Variants in ATP10B observed in about 807,000 individuals in gnomAD.
ATP10B encodes ATPase phospholipid transporting 10B (putative), also known as phospholipid-transporting ATPase VB.
Under a neutral mutation model 141.2 loss-of-function variants are expected in ATP10B, and 122 were observed. The observed-to-expected ratio is 0.86, with a 90% CI of 0.75 to 1.00. ATP10B has a LOEUF of 1.00. Ranked by LOEUF, ATP10B falls within the 50% of genes least tolerant of loss-of-function variation. The pLI is 0.00. For synonymous variants in ATP10B, 685 were observed against 692.0 expected, an observed-to-expected ratio of 0.99 and a Z score of 0.16; for missense variants, 1,876 against 1,825.3, an observed-to-expected ratio of 1.03 and a Z score of -0.51.
In ATP10B at chr5:160,598,862, G is replaced by T; in HGVS notation, c.3472C>A (p.Pro1158Thr). The part of the protein sequence containing the change: ...IFFNLFFTSL[P>T]PLVFGVLDKD... ...TCAAGGACTCCAAAGACAAGAGGAG[G>T]CAAGGAGGTAAAGAAGAGATTGAAG... Residue 1158 changes from proline (P) to threonine (T), a missense_variant, in exon 22 of 26, where the codon CCT becomes ACT. Pro to Thr is a conservative substitution (Grantham distance 38, BLOSUM62 -1). Coordinates refer to ENST00000327245, the MANE Select transcript of ATP10B (RefSeq NM_025153.3). 1 of 1,614,166 alleles carries T rather than the reference G, an allele frequency of 6.2e-7. No homozygotes were observed. Among genetic ancestry groups the T allele is most frequent in the Non-Finnish European group, 8.5e-7 (1 of 1,179,994 alleles).
chr5:160,687,687 C>G (rs1465979541), intron 5 of ATP10B, 113 bp downstream of exon 5: 1 of 1,246,530 alleles, frequency 8.0e-7, no homozygotes, highest in African/African-American at 1.5e-5. Context: ...TTCCCTTGAA[C>G]CCAGGAGGTG....
At chr5:160,872,369 C>A in the ATP10B span, among the ~76,000 whole-genome samples, 2 of 152,262 alleles carry the variant, frequency 1.3e-5, no homozygotes, top group East Asian at 1.9e-4. Context: ...CAAGCAAAAG[C>A]TTTTTAGTTT....
At chr5:160,842,088 A>T (rs995391756) in intron 1 of ATP10B, among the ~76,000 whole-genome samples, 1 of 152,224 alleles carries the variant, frequency 6.6e-6, no homozygotes, top group African/African-American at 2.4e-5. Flanking sequence ...CCATAAAGCA[A>T]GTCTCAAAAA....
intron 1 of ATP10B, among the ~76,000 whole-genome samples, chr5:160,792,319 TC>T (rs924339744): frequency 1.3e-5 from 2 of 152,196 alleles, no homozygotes; most frequent in Non-Finnish European, 2.9e-5. Context: ...GTGATCTTGT[TC>T]CCCAGTATCC....
the ATP10B span, among the ~76,000 whole-genome samples, chr5:160,893,200 C>T: frequency 1.3e-5 from 2 of 152,080 alleles, no homozygotes; most frequent in African/African-American, 4.8e-5. Context: ...GAGACAGAAC[C>T]ATTCACTCCC....
chr5:160,638,222 T>C (rs1327786187), intron 10 of ATP10B, among the ~76,000 whole-genome samples: 1 of 152,324 alleles, frequency 6.6e-6, no homozygotes, highest in Non-Finnish European at 1.5e-5. Context: ...TAATTCAGAA[T>C]AGAATTCTGA....
chr5:160,573,949 G>A (rs193114686), intron 24 of ATP10B, among the ~76,000 whole-genome samples: 21 of 152,138 alleles, frequency 1.4e-4, no homozygotes. Flanking sequence ...ACATATATGT[G>A]TGCAAGAGTG....
At chr5:160,745,146 T>C (rs1008918009) in intron 2 of ATP10B, among the ~76,000 whole-genome samples, 1 of 152,258 alleles carries the variant, frequency 6.6e-6, no homozygotes, top group African/African-American at 2.4e-5. Context: ...TTATTACCAT[T>C]GTCATTATTG....
chr5:160,598,001 A>C (rs1159046505), intron 22 of ATP10B, among the ~76,000 whole-genome samples: 17 of 121,200 alleles, frequency 1.4e-4, no homozygotes, highest in Admixed American at 3.4e-4. Flanking sequence ...CCTCAGGGAT[A>C]TAGAACTAGA....
intron 7 of ATP10B, among the ~76,000 whole-genome samples, chr5:160,655,028 G>A (rs1407186668): frequency 6.6e-6 from 1 of 152,116 alleles, no homozygotes; most frequent in Non-Finnish European, 1.5e-5. Context: ...GAGGAAAGAT[G>A]AGTATTTATA....
intron 6 of ATP10B, among the ~76,000 whole-genome samples, chr5:160,684,275 C>A (rs1182813549): frequency 2.6e-5 from 4 of 152,304 alleles, no homozygotes; most frequent in South Asian, 2.1e-4. Context: ...ATGTCATACA[C>A]TGTGCTAAGT....
intron 6 of ATP10B, among the ~76,000 whole-genome samples, chr5:160,685,744 A>G (rs1459907911): frequency 6.6e-6 from 1 of 152,152 alleles, no homozygotes; most frequent in Non-Finnish European, 1.5e-5. Context: ...TGCTTATACA[A>G]CTTAAACAAG....
intron 2 of ATP10B, among the ~76,000 whole-genome samples, chr5:160,730,374 A>C (rs1766653772): frequency 6.6e-6 from 1 of 152,104 alleles, no homozygotes; most frequent in Non-Finnish European, 1.5e-5. Flanking sequence ...TCTTCTTCAG[A>C]TGAGGAACTT....
At position 160,687,863 on chromosome 5, in the gene ATP10B, G is replaced by A. The variant is rs777985392; in HGVS notation, c.212C>T (p.Thr71Ile). The A allele has an allele frequency of 3.7e-6, 6 of 1,614,030 alleles. No homozygotes were observed. The highest frequency in any genetic ancestry group is 2.7e-5 in the African/African-American group (2 of 74,904). The part of the protein sequence containing the change: ...EVSRRYPGNR[T>I]CTTKYTLFTF... ...GAAGAGGGTGTATTTGGTTGTGCAG[G>A]TTCTGTTGCCAGGGTATCTCCTGGA... The change falls in exon 5 of 26, where the codon ACC becomes ATC. Residue 71 changes from threonine to isoleucine, a missense_variant. Physicochemically the swap from Thr to Ile is moderately conservative, Grantham distance 89 (BLOSUM62 -1). Coordinates refer to ENST00000327245, the MANE Select transcript of ATP10B (RefSeq NM_025153.3).
intron 3 of ATP10B, among the ~76,000 whole-genome samples, chr5:160,690,571 A>T (rs1764017882): frequency 6.6e-6 from 1 of 152,222 alleles, no homozygotes; most frequent in East Asian, 1.9e-4. Flanking sequence ...TTCTCAAAAG[A>T]CGACATTTAT....
chr5:160,898,062 C>T, the ATP10B span, among the ~76,000 whole-genome samples: 2 of 151,956 alleles, frequency 1.3e-5, no homozygotes, highest in East Asian at 1.9e-4. Context: ...AAAGACTTAA[C>T]ATAAGATCTA....
At chr5:160,809,262 C>G (rs572380075) in intron 1 of ATP10B, among the ~76,000 whole-genome samples, 1 of 152,182 alleles carries the variant, frequency 6.6e-6, no homozygotes, top group Admixed American at 6.5e-5. Context: ...CATTTAAAAA[C>G]AGACTCTGCT....
intron 22 of ATP10B, among the ~76,000 whole-genome samples, chr5:160,593,402 G>C (rs1171616455): frequency 6.6e-6 from 1 of 151,966 alleles, no homozygotes; most frequent in Non-Finnish European, 1.5e-5. Context: ...GACATCCACA[G>C]CAAAAACCCA....
intron 7 of ATP10B, among the ~76,000 whole-genome samples, chr5:160,669,409 G>A (rs1052418494): frequency 6.6e-6 from 1 of 152,122 alleles, no homozygotes; most frequent in Non-Finnish European, 1.5e-5. Flanking sequence ...ACTTGCCCAA[G>A]GTGAGATGGC....
Sources: allele counts gnomAD v4.1 joint callset (sites outside exome capture counted in the v4.1 genomes callset), GRCh38; gene constraint gnomAD v4.1.1; transcripts MANE v1.5; gene names NCBI Gene and HGNC (gene_info 2026-07-23, HGNC 2026-07-21).